Variants in ZNF229 observed in about 807,000 individuals in gnomAD.
ZNF229 encodes zinc finger protein 229.
A neutral mutation model predicts 11.8 loss-of-function variants in ZNF229; 10 were observed. The observed-to-expected ratio is 0.85, with a 90% CI of 0.52 to 1.44. The LOEUF is 1.44. Ranked by LOEUF, ZNF229 falls within the 40% of genes most tolerant of loss-of-function variation. The pLI, the probability that ZNF229 is intolerant of heterozygous loss-of-function variation, is 0.00. For synonymous variants in ZNF229, 368 were observed against 374.8 expected (o/e 0.98, Z 0.21); for missense variants, 1,045 against 1,015.1 (o/e 1.03, Z -0.40).
chr19:44,445,952 G>A (rs528551091), intron 2 of ZNF229, among the ~76,000 whole-genome samples: 1 of 152,320 alleles, frequency 6.6e-6, no homozygotes, highest in South Asian at 2.1e-4. Flanking sequence ...TATGCTGGCT[G>A]TGTTGGGACC....
At position 44,430,019 on chromosome 19, in the gene ZNF229, T is replaced by C. The variant is rs1314004580; in HGVS notation, c.762A>G (p.Val254=). The change falls in exon 6 of 6, where the codon GTA becomes GTG. Residue 254 remains valine, a synonymous_variant. Coordinates refer to ENST00000614049, the MANE Select transcript of ZNF229 (RefSeq NM_014518.4). ...TCTCTCCAGGGTTAATGCGATGAAG[T>C]ACAGAGTTTTTAATGCAGTCTTTTC... ...KCRKDCIKNS[V]LHRINPGENG... 1.9e-6 allele frequency: 3 copies of C among 1,614,184 alleles called. No homozygotes were observed. The highest frequency in any genetic ancestry group is 1.3e-5 in the African/African-American group (1 of 74,998).
intron 2 of ZNF229, among the ~76,000 whole-genome samples, chr19:44,445,306 G>C (rs1018602966): frequency 1.4e-5 from 2 of 145,124 alleles, no homozygotes; most frequent in African/African-American, 5.6e-5. Context: ...CTACACAGCA[G>C]CTGGAGTGAT....
intron 1 of ZNF229, 112 bp from the exon 2 acceptor site, chr19:44,447,712 C>A (rs951934213): frequency 6.6e-6 from 1 of 152,312 alleles, no homozygotes; most frequent in East Asian, 1.9e-4. Context: ...TTCCTGTAAT[C>A]TACCCTCGCT....
At chr19:44,438,282 T>C (rs1377964193) in intron 4 of ZNF229, among the ~76,000 whole-genome samples, 2 of 152,200 alleles carry the variant, frequency 1.3e-5, no homozygotes, top group Admixed American at 6.5e-5. Context: ...AATATACATA[T>C]GAAAAAGTGC....
chr19:44,430,442 T>C lies in ZNF229; in HGVS notation c.339A>G (p.Ala113=), dbSNP rs1376042011. 2 of 1,614,056 alleles carry C rather than the reference T, an allele frequency of 1.2e-6. No homozygotes were observed. The highest frequency in any genetic ancestry group is 1.7e-5 in the Admixed American group (1 of 60,002). ...LSSCKIWEEV[A]GELPGSQDCR... is the part of the protein sequence containing the mutation. Reference sequence around the variant, plus strand: ...AGTCTTGGCTCCCAGGTAATTCACCTGCCACCTCTTCCCAGATTTTGCATG... The same window carrying C: ...AGTCTTGGCTCCCAGGTAATTCACCCGCCACCTCTTCCCAGATTTTGCATG... The change falls in exon 6 of 6, where the codon GCA becomes GCG. Residue 113 remains alanine, a synonymous_variant. Transcript: ENST00000614049.
At chr19:44,432,424 C>G (rs1444692645) in intron 4 of ZNF229, 58 bp from the exon 5 acceptor site, 11 of 1,592,772 alleles carry the variant, frequency 6.9e-6, no homozygotes, top group Non-Finnish European at 9.4e-6. Flanking sequence ...CTGGTGTCCA[C>G]AGAGCAGGTT....
chr19:44,443,098 A>G (rs1971945065), intron 2 of ZNF229, 74 bp from the exon 3 acceptor site: 1 of 578,102 alleles, frequency 1.7e-6, no homozygotes, highest in Non-Finnish European at 3.1e-6. Context: ...TCCCCTGGAT[A>G]CTATTCATTC....
At chr19:44,431,742 G>C (rs1971726014) in intron 5 of ZNF229, 1 of 985,740 alleles carries the variant, frequency 1.0e-6, no homozygotes, top group Non-Finnish European at 1.2e-6. Flanking sequence ...TTGTCTCCAA[G>C]ACCTCTAGGC....
At chr19:44,442,044 C>A (rs1971920115) in intron 4 of ZNF229, among the ~76,000 whole-genome samples, 1 of 152,146 alleles carries the variant, frequency 6.6e-6, no homozygotes, top group African/African-American at 2.4e-5. Context: ...AACAAGAATG[C>A]TCAGGTCTTT....
intron 2 of ZNF229, among the ~76,000 whole-genome samples, chr19:44,445,802 A>G (rs901539056): frequency 6.6e-6 from 1 of 152,202 alleles, no homozygotes; most frequent in Non-Finnish European, 1.5e-5. Flanking sequence ...CAGGTGCTCA[A>G]TAAATATTTA....
chr19:44,427,243 C>A lies in ZNF229; in HGVS notation c.*1060G>T, dbSNP rs1413263583. 7.2e-6 allele frequency: 1 copy of A among 139,064 alleles called. No individual in the cohort carries two copies. The highest frequency in any genetic ancestry group is 1.6e-5 in the Non-Finnish European group (1 of 63,522). The allele number at this position is 139,064 out of a possible 1,614,324, so 8.6% of individuals were successfully genotyped here. The stretch of plus-strand genomic sequence containing the variant: ...CATATCAGACTGTTTCTACAACCCC[C>A]CCCCCCGCCCCCACTGATGGGGGAT... On this transcript the variant is annotated 3_prime_UTR_variant, in exon 6 of 6. Transcript: ENST00000614049.
intron 4 of ZNF229, among the ~76,000 whole-genome samples, chr19:44,437,345 A>G (rs551582042): frequency 1.3e-5 from 2 of 152,304 alleles, no homozygotes; most frequent in Admixed American, 1.3e-4. Context: ...AATTAAGAAG[A>G]CATACATGCA....
chr19:44,436,263 T>G (rs1971812008), intron 4 of ZNF229, among the ~76,000 whole-genome samples: 1 of 150,324 alleles, frequency 6.7e-6, no homozygotes, highest in African/African-American at 2.5e-5. Flanking sequence ...GTCCCAGCTG[T>G]TCGGGAGGCT....
At chr19:44,431,701 C>T in intron 5 of ZNF229, 3 of 971,138 alleles carry the variant, frequency 3.1e-6, no homozygotes, top group Non-Finnish European at 3.7e-6. Context: ...CTCCTGTGGG[C>T]AAGCTCACTT....
Position 44,442,632 on chromosome 19 carries a change from A to G in ZNF229, c.35-11T>C, listed in dbSNP as rs774128243. 4 of 1,614,002 alleles carry G rather than the reference A, an allele frequency of 2.5e-6. No homozygotes were observed. The highest frequency in any genetic ancestry group is 3.4e-6 in the Non-Finnish European group (4 of 1,179,960). On this transcript the variant is annotated splice_polypyrimidine_tract_variant and intron_variant, in intron 3 of 5. Coordinates refer to ENST00000614049, the MANE Select transcript of ZNF229 (RefSeq NM_014518.4). Reference sequence around the variant, plus strand: ...CTTGAGAATGAAGAGCTGTAGGAGGAGAAAGAGGCCATGAGGAGGAGTTGG... The same window carrying G: ...CTTGAGAATGAAGAGCTGTAGGAGGGGAAAGAGGCCATGAGGAGGAGTTGG...
At position 44,442,925 on chromosome 19, in the gene ZNF229, G is replaced by C; in HGVS notation, c.-78C>G. ...GTTTTCCTAAGCTGGAGACGCAGAA[G>C]ATCCAGGCCTTTTTCATTCCGGAAA... On this transcript the variant is annotated 5_prime_UTR_variant, in exon 3 of 6. The change creates a new upstream start codon in the 5' untranslated region. Coordinates refer to ENST00000614049, the MANE Select transcript of ZNF229 (RefSeq NM_014518.4). 6.5e-7 allele frequency: 1 copy of C among 1,538,198 alleles called. No individual in the cohort carries two copies. Among genetic ancestry groups the C allele is most frequent in the Non-Finnish European group, 9.0e-7 (1 of 1,111,892 alleles).
Position 44,430,140 on chromosome 19 carries a change from T to G in ZNF229, c.641A>C (p.Lys214Thr). ...AAAGCTGTCATCATCCCAGTTACAT[T>G]TATATACTGTGTCTTCTGTGTCGAG... The part of the protein sequence containing the change: ...KNLDTEDTVY[K>T]CNWDDDSFCW... The change falls in exon 6 of 6, where the codon AAA becomes ACA. Residue 214 changes from lysine (K) to threonine (T), a missense_variant. Coordinates refer to ENST00000614049, the MANE Select transcript of ZNF229 (RefSeq NM_014518.4). 1 of 1,614,140 alleles carries G rather than the reference T, an allele frequency of 6.2e-7. No individual in the cohort carries two copies. The highest frequency in any genetic ancestry group is 8.5e-7 in the Non-Finnish European group (1 of 1,180,036).
rs1197789974 is a variant in ZNF229 at position 44,429,961 on chromosome 19, A to G, written c.820T>C (p.Phe274Leu). 1 of 1,613,830 alleles carries G rather than the reference A, an allele frequency of 6.2e-7. No individual in the cohort carries two copies. Among genetic ancestry groups the G allele is most frequent in the African/African-American group, 1.3e-5 (1 of 74,962 alleles). The change falls in exon 6 of 6, where the codon TTC becomes CTC. Residue 274 changes from phenylalanine (F) to leucine (L), a missense_variant. By Grantham distance (22) the Phe-to-Leu change is conservative. Coordinates refer to ENST00000614049, the MANE Select transcript of ZNF229 (RefSeq NM_014518.4). Reference sequence around the variant, plus strand: ...GGGGGAAGGTCTGCATCGTCCCTGAAGCCATTTCTGTATTCGTTACTTTTC... The same window carrying G: ...GGGGGAAGGTCTGCATCGTCCCTGAGGCCATTTCTGTATTCGTTACTTTTC... ...GLKSNEYRNG[F>L]RDDADLPPHP...
chr19:44,442,764 C>T (rs1971935959), intron 3 of ZNF229, 50 bp downstream of exon 3: 1 of 1,610,676 alleles, frequency 6.2e-7, no homozygotes. Flanking sequence ...TTTTCTCCTC[C>T]ACACTCAGTT....
Sources: allele counts gnomAD v4.1 joint callset (sites outside exome capture counted in the v4.1 genomes callset), GRCh38; gene constraint gnomAD v4.1.1; transcripts MANE v1.5; gene names NCBI Gene and HGNC (gene_info 2026-07-23, HGNC 2026-07-21).